The following GAS2 variants were observed in gnomAD, a reference collection of about 807,000 sequenced individuals.
The protein encoded by GAS2 is growth arrest specific 2.
GAS2 carries 20 observed loss-of-function variants against 37.5 expected under a neutral mutation model. The observed-to-expected ratio is 0.53, with a 90% CI of 0.37 to 0.77. The LOEUF is 0.77. GAS2 is among the 30% of genes least tolerant of loss of function. The pLI is 0.00. For missense variants in GAS2, 336 were observed against 373.4 expected (o/e 0.90, Z 0.82); for synonymous variants, 144 against 132.2 (o/e 1.09, Z -0.61).
intron 3 of GAS2, among the ~76,000 whole-genome samples, chr11:22,710,243 G>A (rs1186531865): frequency 1.3e-5 from 2 of 151,964 alleles, no homozygotes; most frequent in African/African-American, 4.8e-5. Context: ...AGTAATCTGT[G>A]AGCCACTAAA....
chr11:22,795,960 T>C (rs967262101), intron 7 of GAS2, among the ~76,000 whole-genome samples: 1 of 152,172 alleles, frequency 6.6e-6, no homozygotes, highest in Non-Finnish European at 1.5e-5. Flanking sequence ...TTTCCTCCAA[T>C]ATTTTACTGT....
chr11:22,740,542 C>T (rs1006984245), intron 5 of GAS2, among the ~76,000 whole-genome samples: 2 of 152,058 alleles, frequency 1.3e-5, no homozygotes, highest in Admixed American at 6.5e-5. Flanking sequence ...TAGTTGAATA[C>T]CAGTAGGATA....
intron 5 of GAS2, among the ~76,000 whole-genome samples, chr11:22,748,762 A>G (rs1224814038): frequency 1.3e-5 from 2 of 152,156 alleles, no homozygotes; most frequent in Admixed American, 1.3e-4. Flanking sequence ...GGTTCAAAAT[A>G]GTTTCATTAC....
chr11:22,760,921 C>T (rs1004327685), intron 7 of GAS2, among the ~76,000 whole-genome samples: 6 of 152,102 alleles, frequency 3.9e-5, no homozygotes, highest in African/African-American at 7.2e-5. Context: ...TCATTTGAAT[C>T]GCCCTTTTGC....
chr11:22,646,152 G>C (rs1848688189), intron 1 of GAS2, among the ~76,000 whole-genome samples: 1 of 151,960 alleles, frequency 6.6e-6, no homozygotes, highest in African/African-American at 2.4e-5. Flanking sequence ...AAACAATTTG[G>C]TTTTCCTGTC....
At chr11:22,714,005 T>G (rs1329804165) in intron 3 of GAS2, among the ~76,000 whole-genome samples, 4 of 152,144 alleles carry the variant, frequency 2.6e-5, no homozygotes. Flanking sequence ...ACTAGCATGA[T>G]GAATAGAACA....
chr11:22,713,064 C>CAAAA (rs61240215), intron 3 of GAS2, among the ~76,000 whole-genome samples: 4 of 111,972 alleles, frequency 3.6e-5, no homozygotes, highest in South Asian at 2.9e-4. Context: ...GAGACTGTGT[C>CAAAA]AAAAAAAAAA....
intron 3 of GAS2, among the ~76,000 whole-genome samples, chr11:22,701,801 C>G (rs1850857678): frequency 6.6e-6 from 1 of 152,120 alleles, no homozygotes; most frequent in Non-Finnish European, 1.5e-5. Context: ...TGCACTCCAG[C>G]CTGGACAATG....
At chr11:22,757,282 G>A (rs1854099055) in intron 7 of GAS2, among the ~76,000 whole-genome samples, 2 of 151,996 alleles carry the variant, frequency 1.3e-5, no homozygotes, top group South Asian at 4.1e-4. Flanking sequence ...CCACATTTGT[G>A]AATAACATGT....
chr11:22,812,043 C>T lies in GAS2; in HGVS notation c.*27C>T. 1 of 1,522,186 alleles carries T rather than the reference C, an allele frequency of 6.6e-7. No homozygotes were observed. Among genetic ancestry groups the T allele is most frequent in the Non-Finnish European group, 9.1e-7 (1 of 1,096,810 alleles). 94.3% of individuals were successfully genotyped at this position (1,522,186 alleles called of 1,614,324 possible). A position where few individuals can be genotyped will look rare whatever the true frequency, so the allele number is the denominator to read the frequency against. On this transcript the variant is annotated 3_prime_UTR_variant, in exon 8 of 8. Transcript: ENST00000454584. Reference sequence around the variant, plus strand: ...ACAAATTGGTCATGACAAGGGGACCCTCATAATGGCCTGTATCCACTTCTC... The same window carrying T: ...ACAAATTGGTCATGACAAGGGGACCTTCATAATGGCCTGTATCCACTTCTC...
At chr11:22,758,149 T>G (rs970207692) in intron 7 of GAS2, among the ~76,000 whole-genome samples, 1 of 152,132 alleles carries the variant, frequency 6.6e-6, no homozygotes, top group Non-Finnish European at 1.5e-5. Flanking sequence ...ATTGAATTGG[T>G]TTTCAAATGA....
At chr11:22,765,014 T>C (rs78288253) in intron 7 of GAS2, among the ~76,000 whole-genome samples, 4,770 of 152,314 alleles carry the variant, frequency 0.031, 217 homozygotes, top group African/African-American at 0.097. Flanking sequence ...TGCTTTTTCA[T>C]TGGCCACAAA....
chr11:22,804,964 T>C (rs1459072709), intron 7 of GAS2, among the ~76,000 whole-genome samples: 2 of 152,156 alleles, frequency 1.3e-5, no homozygotes, highest in African/African-American at 4.8e-5. Context: ...GCATCTGTGC[T>C]GGAAAAGCTC....
At chr11:22,713,852 A>C (rs907136994) in intron 3 of GAS2, among the ~76,000 whole-genome samples, 3 of 152,192 alleles carry the variant, frequency 2.0e-5, no homozygotes, top group Non-Finnish European at 2.9e-5. Context: ...TGCTAAAAGG[A>C]GTCCTAAATC....
chr11:22,651,846 T>G (rs1848780430), intron 1 of GAS2, among the ~76,000 whole-genome samples: 1 of 152,190 alleles, frequency 6.6e-6, no homozygotes, highest in Non-Finnish European at 1.5e-5. Context: ...GTTTTCAACT[T>G]CTTTGCCTTT....
chr11:22,802,118 G>C (rs1247817370), intron 7 of GAS2, among the ~76,000 whole-genome samples: 1 of 152,052 alleles, frequency 6.6e-6, no homozygotes, highest in Non-Finnish European at 1.5e-5. Flanking sequence ...GTTTGCAACA[G>C]CCTGAGTATG....
intron 5 of GAS2, among the ~76,000 whole-genome samples, chr11:22,745,534 G>T (rs1177284342): frequency 1.3e-5 from 2 of 151,552 alleles, no homozygotes; most frequent in Non-Finnish European, 3.0e-5. Flanking sequence ...GGAAATACTA[G>T]GATTCCTAAA....
chr11:22,756,104 A>T (rs1854022397), intron 7 of GAS2, 151 bp downstream of exon 7: 2 of 592,496 alleles, frequency 3.4e-6, no homozygotes, highest in Admixed American at 6.1e-5. Context: ...ATACATTATA[A>T]TGTACTACTG....
At chr11:22,717,268 C>A (rs1207555874) in intron 3 of GAS2, among the ~76,000 whole-genome samples, 3 of 152,014 alleles carry the variant, frequency 2.0e-5, no homozygotes, top group Non-Finnish European at 4.4e-5. Flanking sequence ...ATATAGTTAC[C>A]AAAACAGTAT....
Sources: gnomAD v4.1 joint callset for allele counts (sites outside exome capture counted in the v4.1 genomes callset) on GRCh38, gnomAD v4.1.1 for gene constraint, MANE v1.5 for transcripts, NCBI Gene and HGNC (gene_info 2026-07-23, HGNC 2026-07-21) for gene names.